Variants in CLDN10 observed in about 807,000 individuals in gnomAD.
CLDN10 encodes claudin 10.
In CLDN10, 15 loss-of-function variants were observed where a neutral mutation model predicts 22.9. The observed-to-expected ratio is 0.65, with a 90% CI of 0.44 to 1.01. The LOEUF (loss-of-function observed/expected upper bound fraction) is 1.01. CLDN10 is among the 50% of genes least tolerant of loss of function. CLDN10 has a pLI of 0.00. For missense variants in CLDN10, 247 were observed against 287.8 expected (o/e 0.86, Z 1.03); for synonymous variants, 114 against 111.4 (o/e 1.02, Z -0.15).
chr13:95,439,184 A>C (rs2042300933), intron 1 of CLDN10, among the ~76,000 whole-genome samples: 1 of 152,078 alleles, frequency 6.6e-6, no homozygotes, highest in African/African-American at 2.4e-5. Flanking sequence ...TAATTCACCA[A>C]CATCAGAAAC....
At chr13:95,550,778 T>C (rs1289685733), upstream of CLDN10, among the ~76,000 whole-genome samples, 2 of 151,230 alleles carry the variant, frequency 1.3e-5, no homozygotes, top group Non-Finnish European at 2.9e-5. Context: ...GGTGACTGAT[T>C]TGCATAGCAA....
exon 1 of CLDN10, chr13:95,433,894 G>A: frequency 1.9e-6 from 3 of 1,614,198 alleles, no homozygotes; most frequent in Non-Finnish European, 2.5e-6. Context: ...AGCTCTCGTT[G>A]CTGCTACCAC....
In CLDN10 at chr13:95,565,480, A is replaced by G. The variant is rs575511076; in HGVS notation, c.464+5017A>G. Among the ~76,000 whole-genome samples the G allele has an allele frequency of 2.0e-5, 3 of 152,218 alleles. No individual in the cohort carries two copies. In the South Asian group the frequency reaches 6.2e-4, roughly 32 times the overall value. On this transcript the variant is annotated intron_variant, in intron 3 of 4. Transcript: ENST00000299339. ...TTGTGTTGGGGTCTTATCATCCTCT[A>G]GGCTTATTTCCAGACTTTTCAAAAT...
rs1214555790 is a variant in CLDN10 at position 95,536,192 on chromosome 13, A to AG, written c.215-23940_215-23939insG. ...GTATTTTCCTAAATTTGAAAAAAAA[A>AG]AAAGTCCTTAATATCTGCTTCATCT... On this transcript the variant is annotated intron_variant, in intron 1 of 4. Transcript: ENST00000376873. 2.0e-5 allele frequency among the ~76,000 whole-genome samples: 3 copies of AG among 151,612 alleles called. No individual in the cohort carries two copies. In the East Asian group the frequency reaches 5.8e-4, roughly 29 times the overall value.
intron 1 of CLDN10, among the ~76,000 whole-genome samples, chr13:95,438,398 C>T (rs1169199461): frequency 6.6e-6 from 1 of 152,220 alleles, no homozygotes; most frequent in African/African-American, 2.4e-5. Context: ...GGCCATCGTG[C>T]CCTGCCAAGG....
At chr13:95,437,558 T>C (rs1219684278) in intron 1 of CLDN10, among the ~76,000 whole-genome samples, 4 of 152,196 alleles carry the variant, frequency 2.6e-5, no homozygotes, top group Non-Finnish European at 5.9e-5. Context: ...CCTGATCACC[T>C]TGGGACAGGG....
chr13:95,496,234 C>T (rs974337388), intron 1 of CLDN10, among the ~76,000 whole-genome samples: 1 of 152,216 alleles, frequency 6.6e-6, no homozygotes, highest in Non-Finnish European at 1.5e-5. Context: ...TCACGTCTGA[C>T]GCATATGCTT....
At chr13:95,524,870 T>G (rs12018801) in intron 1 of CLDN10, among the ~76,000 whole-genome samples, 15 of 151,608 alleles carry the variant, frequency 9.9e-5, no homozygotes, top group Admixed American at 8.5e-4. Context: ...TTTTTATTTT[T>G]TTTTTTGAGA....
At chr13:95,568,049 G>T (rs556842547) in intron 3 of CLDN10, among the ~76,000 whole-genome samples, 8 of 152,278 alleles carry the variant, frequency 5.3e-5, no homozygotes, top group Admixed American at 2.0e-4. Flanking sequence ...CCTGGGTGAG[G>T]TTGAAAAGAA....
chr13:95,488,887 T>C (rs1228976601), intron 1 of CLDN10, among the ~76,000 whole-genome samples: 2 of 152,136 alleles, frequency 1.3e-5, no homozygotes, highest in East Asian at 3.9e-4. Context: ...AATGACTTCT[T>C]TTCTTCTGGG....
At chr13:95,560,628 G>A (rs577207328) in intron 3 of CLDN10, 165 bp downstream of exon 3, 30 of 608,318 alleles carry the variant, frequency 4.9e-5, no homozygotes, top group Non-Finnish European at 6.7e-5. Flanking sequence ...TGCCACATAC[G>A]CAAAATATGC....
intron 1 of CLDN10, among the ~76,000 whole-genome samples, chr13:95,459,592 G>A (rs1472628086): frequency 6.6e-6 from 1 of 152,210 alleles, no homozygotes; most frequent in African/African-American, 2.4e-5. Flanking sequence ...AGGATGCAGG[G>A]CACCAAGTCC....
chr13:95,457,182 C>A (rs973134640), intron 1 of CLDN10, among the ~76,000 whole-genome samples: 11 of 152,256 alleles, frequency 7.2e-5, no homozygotes, highest in African/African-American at 2.4e-4. Context: ...TATGTCTTAA[C>A]CCTGGCATAT....
intron 1 of CLDN10, chr13:95,434,061 C>G (rs577827252): frequency 1.2e-6 from 2 of 1,608,700 alleles, no homozygotes; most frequent in Non-Finnish European, 1.7e-6. Context: ...AATATAATGG[C>G]TTTGTTTGGG....
chr13:95,553,374 G>T (rs2043592078), intron 1 of CLDN10, among the ~76,000 whole-genome samples: 1 of 151,968 alleles, frequency 6.6e-6, no homozygotes, highest in South Asian at 2.1e-4. Context: ...CCTCCCCTAC[G>T]TTCCCCGAAG....
chr13:95,554,408 G>A (rs201940857), intron 1 of CLDN10, among the ~76,000 whole-genome samples: 1 of 152,038 alleles, frequency 6.6e-6, no homozygotes, highest in Non-Finnish European at 1.5e-5. Context: ...GGGAGAGAAG[G>A]AAATGAATGC....
At chr13:95,529,749 A>C (rs2043321158) in intron 1 of CLDN10, among the ~76,000 whole-genome samples, 1 of 152,324 alleles carries the variant, frequency 6.6e-6, no homozygotes, top group East Asian at 1.9e-4. Context: ...TATACAAATA[A>C]GTAGGTTACA....
chr13:95,539,145 C>T (rs1031471965), intron 1 of CLDN10, among the ~76,000 whole-genome samples: 3 of 152,322 alleles, frequency 2.0e-5, no homozygotes, highest in African/African-American at 7.2e-5. Context: ...TCCCAAAGTG[C>T]TGGGATTACA....
intron 1 of CLDN10, among the ~76,000 whole-genome samples, chr13:95,520,103 T>G (rs2043209704): frequency 6.6e-6 from 1 of 152,150 alleles, no homozygotes; most frequent in African/African-American, 2.4e-5. Flanking sequence ...AGTGAGTGCA[T>G]TCACACCCAT....
Sources: allele counts gnomAD v4.1 joint callset (sites outside exome capture counted in the v4.1 genomes callset), GRCh38; gene constraint gnomAD v4.1.1; transcripts MANE v1.5; gene names NCBI Gene and HGNC (gene_info 2026-07-23, HGNC 2026-07-21).